SHQ1: variants seen among roughly 807,000 people sequenced by gnomAD.
SHQ1 encodes protein SHQ1 homolog.
In SHQ1, 49 loss-of-function variants were observed where a neutral mutation model predicts 53.8. The ratio of observed to expected loss-of-function variants is 0.91; its 90% CI spans 0.72 to 1.16. The LOEUF is 1.16. Among genes scored for constraint, SHQ1 ranks in the 50% most tolerant of loss-of-function variants. The probability of loss-of-function intolerance (pLI) is 0.00; values close to 1 mark genes in which losing one functional copy is unlikely to be tolerated. For synonymous variants in SHQ1, 243 were observed against 251.0 expected (o/e 0.97, Z 0.30); for missense variants, 738 against 683.1 (o/e 1.08, Z -0.90).
chr3:72,788,356 C>T (rs1248721911), intron 10 of SHQ1, among the ~76,000 whole-genome samples: 1 of 151,756 alleles, frequency 6.6e-6, no homozygotes, highest in Non-Finnish European at 1.5e-5. Flanking sequence ...AGTGTCTCTG[C>T]CCCGCCGCCA....
chr3:72,777,871 G>A (rs1396740846), intron 10 of SHQ1, among the ~76,000 whole-genome samples: 1 of 152,118 alleles, frequency 6.6e-6, no homozygotes, highest in Admixed American at 6.6e-5. Context: ...TACACTGCAG[G>A]ACAGAAAAGA....
the SHQ1 span, among the ~76,000 whole-genome samples, chr3:72,736,629 A>C: frequency 6.7e-6 from 1 of 148,744 alleles, no homozygotes; most frequent in Non-Finnish European, 1.5e-5. Flanking sequence ...CATCTATACT[A>C]AAATTACAAG....
chr3:72,806,721 A>C (rs986818140), intron 9 of SHQ1, among the ~76,000 whole-genome samples: 2 of 152,166 alleles, frequency 1.3e-5, no homozygotes, highest in Non-Finnish European at 2.9e-5. Context: ...ACCTCCTCAC[A>C]TGGTTTACTC....
At chr3:72,810,174 G>A (rs1707074747) in intron 9 of SHQ1, among the ~76,000 whole-genome samples, 1 of 152,150 alleles carries the variant, frequency 6.6e-6, no homozygotes, top group African/African-American at 2.4e-5. Context: ...CAAGATGACT[G>A]ATCCAAGGAG....
intron 10 of SHQ1, among the ~76,000 whole-genome samples, chr3:72,760,705 T>C (rs1405226784): frequency 6.6e-6 from 1 of 152,224 alleles, no homozygotes; most frequent in Non-Finnish European, 1.5e-5. Context: ...TCTTTGAAAA[T>C]GACTGTTGAA....
At chr3:72,804,206 G>A (rs1487030021) in intron 9 of SHQ1, among the ~76,000 whole-genome samples, 2 of 152,236 alleles carry the variant, frequency 1.3e-5, no homozygotes, top group Middle Eastern at 3.4e-3. Context: ...TTACAGGCAT[G>A]AGCCACCATA....
chr3:72,771,096 G>C (rs553064787), intron 10 of SHQ1, among the ~76,000 whole-genome samples: 2 of 152,218 alleles, frequency 1.3e-5, no homozygotes, highest in African/African-American at 4.8e-5. Context: ...TAGTGGAAGA[G>C]TACAAAGTTC....
the SHQ1 span, among the ~76,000 whole-genome samples, chr3:72,742,711 A>T: frequency 6.7e-6 from 1 of 148,692 alleles, no homozygotes; most frequent in Non-Finnish European, 1.5e-5. Context: ...CTGCCTCCCA[A>T]CTTCAAGCGT....
At chr3:72,756,714 T>C (rs1705503155) in intron 10 of SHQ1, among the ~76,000 whole-genome samples, 1 of 152,256 alleles carries the variant, frequency 6.6e-6, no homozygotes, top group Non-Finnish European at 1.5e-5. Flanking sequence ...ACACTCAAAA[T>C]AGATTTTTCT....
Position 72,750,221 on chromosome 3 carries a change from C to A in SHQ1, c.*63G>T. 1 of 1,323,304 alleles carries A rather than the reference C, an allele frequency of 7.6e-7. No individual in the cohort carries two copies. The highest frequency in any genetic ancestry group is 1.5e-5 in the African/African-American group (1 of 67,878). The allele number at this position is 1,323,304 out of a possible 1,614,324, so 82.0% of individuals were successfully genotyped here. ...AATTACAAAGTGAAAATGAAGAATT[C>A]TCATTCGGTAAATGAAACCCAATCT... On this transcript the variant is annotated 3_prime_UTR_variant, in exon 11 of 11. Transcript: ENST00000325599.
At chr3:72,796,082 A>T (rs562950274) in intron 9 of SHQ1, among the ~76,000 whole-genome samples, 29 of 146,324 alleles carry the variant, frequency 2.0e-4, no homozygotes, top group Middle Eastern at 6.9e-3. Flanking sequence ...AGTCTAGGTG[A>T]CAGAGTGAGA....
chr3:72,750,958 TATC>T (rs1705353553), intron 10 of SHQ1, 122 bp from the exon 11 acceptor site: 2 of 691,158 alleles, frequency 2.9e-6, no homozygotes, highest in South Asian at 4.8e-5. Flanking sequence ...CCAGGATATA[TATC>T]ATAACAGATC....
At chr3:72,743,124 C>T in the SHQ1 span, among the ~76,000 whole-genome samples, 11 of 152,298 alleles carry the variant, frequency 7.2e-5, no homozygotes, top group South Asian at 2.1e-4. Flanking sequence ...ACCCTCTGCA[C>T]GCTACCCTGT....
At chr3:72,749,072 A>G (rs1383046879), downstream of SHQ1, among the ~76,000 whole-genome samples, 1 of 152,194 alleles carries the variant, frequency 6.6e-6, no homozygotes, top group Non-Finnish European at 1.5e-5. Flanking sequence ...AAAGTTTAAG[A>G]GACTGACCAT....
chr3:72,833,811 G>A lies in SHQ1; in HGVS notation c.487-1330C>T, dbSNP rs140692024. Among the ~76,000 whole-genome samples, 70 of 152,322 alleles carry A rather than the reference G, an allele frequency of 4.6e-4. 1 individual carries two copies. In the East Asian group the frequency reaches 0.013, roughly 28 times the overall value. On this transcript the variant is annotated intron_variant, in intron 4 of 10. Coordinates refer to ENST00000325599, the MANE Select transcript of SHQ1 (RefSeq NM_018130.3). The stretch of plus-strand genomic sequence containing the variant: ...GCGAAGCAAAGAAACCTTATACAAT[G>A]TGAAATACTCCTAAAATTGTGTCTT...
chr3:72,832,787 G>C (rs1707863103), intron 4 of SHQ1, among the ~76,000 whole-genome samples: 1 of 152,074 alleles, frequency 6.6e-6, no homozygotes, highest in South Asian at 2.1e-4. Flanking sequence ...AAGCAAGCAG[G>C]AACATTTAAC....
chr3:72,809,731 G>A (rs1200790838), intron 9 of SHQ1: 1 of 152,268 alleles, frequency 6.6e-6, no homozygotes, highest in East Asian at 1.9e-4. Context: ...AGCCAAGGCA[G>A]GCAGATCACT....
chr3:72,824,376 C>T (rs893190923), intron 6 of SHQ1, 48 bp downstream of exon 6: 11 of 1,604,332 alleles, frequency 6.9e-6, no homozygotes, highest in African/African-American at 4.0e-5. Flanking sequence ...ACGTGGTACA[C>T]CATGAGATTT....
chr3:72,840,556 G>A (rs372780127), intron 4 of SHQ1, among the ~76,000 whole-genome samples: 2 of 123,376 alleles, frequency 1.6e-5, no homozygotes, highest in Non-Finnish European at 3.2e-5. Flanking sequence ...GTAAGACTCC[G>A]TCTCAAAAAA....
Sources: gnomAD v4.1 joint callset for allele counts (sites outside exome capture counted in the v4.1 genomes callset) on GRCh38, gnomAD v4.1.1 for gene constraint, MANE v1.5 for transcripts, NCBI Gene and HGNC (gene_info 2026-07-23, HGNC 2026-07-21) for gene names.